The following JARID2 variants were observed in gnomAD, a reference collection of about 807,000 sequenced individuals.
The protein encoded by JARID2 is jumonji and AT-rich interaction domain containing 2.
A neutral mutation model predicts 125.6 loss-of-function variants in JARID2; 21 were observed. The observed-to-expected ratio is 0.17, with a 90% confidence interval of 0.12 to 0.24. The LOEUF (loss-of-function observed/expected upper bound fraction) is 0.24, where lower values mean the gene tolerates loss of function less well. Among genes scored for constraint, JARID2 ranks in the 10% least tolerant of loss-of-function variants. The pLI is 1.00. For synonymous variants in JARID2, 736 were observed against 661.6 expected (o/e 1.11, Z -1.73); for missense variants, 1,303 against 1,639.6 (o/e 0.79, Z 3.55).
At chr6:15,426,156 C>A (rs1402057770) in intron 3 of JARID2, among the ~76,000 whole-genome samples, 1 of 152,116 alleles carries the variant, frequency 6.6e-6, no homozygotes, top group South Asian at 2.1e-4. Context: ...TACTTGAGAC[C>A]TGCCACTCAG....
At chr6:15,311,357 T>C (rs759995304) in intron 1 of JARID2, among the ~76,000 whole-genome samples, 3 of 152,292 alleles carry the variant, frequency 2.0e-5, no homozygotes, top group Non-Finnish European at 2.9e-5. Context: ...GCGGGCTGAT[T>C]ACCTGTGGTT....
chr6:15,308,580 T>C (rs1394296093), intron 1 of JARID2, among the ~76,000 whole-genome samples: 1 of 152,232 alleles, frequency 6.6e-6, no homozygotes, highest in East Asian at 1.9e-4. Flanking sequence ...GTTGATCTAC[T>C]GAATACCTTC....
In JARID2 at chr6:15,497,022, C is replaced by T. The variant is rs1770478683; in HGVS notation, c.1797C>T (p.Cys599=). The change falls in exon 7 of 18, where the codon TGC becomes TGT. Residue 599 remains cysteine, a synonymous_variant. Coordinates refer to ENST00000341776, the MANE Select transcript of JARID2 (RefSeq NM_004973.4). ...VIPPPDWRPE[C]KLNDEMRFVT... ...CCCCTCCGGACTGGCGGCCCGAGTG[C>T]AAGCTCAACGATGAGATGCGGTTTG... 6.2e-7 allele frequency: 1 copy of T among 1,613,612 alleles called. No homozygotes were observed.
intron 1 of JARID2, among the ~76,000 whole-genome samples, chr6:15,270,155 G>C (rs1760241348): frequency 6.6e-6 from 1 of 152,078 alleles, no homozygotes; most frequent in Non-Finnish European, 1.5e-5. Context: ...CGTCTTTGAT[G>C]GACTTTCACT....
intron 1 of JARID2, among the ~76,000 whole-genome samples, chr6:15,340,821 C>CCA (rs1763043122): frequency 6.6e-6 from 1 of 152,098 alleles, no homozygotes; most frequent in African/African-American, 2.4e-5. Flanking sequence ...TTTTAGATAA[C>CCA]ACTCAGTTGG....
At chr6:15,463,462 C>T (rs967416377) in intron 4 of JARID2, among the ~76,000 whole-genome samples, 3 of 138,398 alleles carry the variant, frequency 2.2e-5, no homozygotes, top group Non-Finnish European at 3.0e-5. Context: ...TGGAGTTGCC[C>T]TCTTGTTGCC....
intron 2 of JARID2, among the ~76,000 whole-genome samples, chr6:15,384,244 G>A (rs1054743617): frequency 2.0e-5 from 3 of 152,078 alleles, no homozygotes; most frequent in Non-Finnish European, 4.4e-5. Context: ...GTGCCACCAC[G>A]CCCGGCTAAT....
rs1766232412 is a variant in JARID2, at chr6:15,416,642, A to G, written c.323+6277A>G. 2.7e-5 allele frequency among the ~76,000 whole-genome samples: 4 copies of G among 149,216 alleles called. No individual in the cohort carries two copies. In the South Asian group the frequency reaches 8.5e-4, roughly 32 times the overall value. On this transcript the variant is annotated intron_variant, in intron 3 of 17. Coordinates refer to ENST00000341776, the MANE Select transcript of JARID2 (RefSeq NM_004973.4). ...CAGTGAGCCGAGATGGCAGCAGTAC[A>G]GTCCAGCTTCGGCTTGGCATCAGTG...
At position 15,394,252 on chromosome 6, in the gene JARID2, C is replaced by G. The variant is rs563813215; in HGVS notation, c.182-15972C>G. On this transcript the variant is annotated intron_variant, in intron 2 of 17. Coordinates refer to ENST00000341776, the MANE Select transcript of JARID2 (RefSeq NM_004973.4). ...AAGAGCACCTCAGGCTTACGCAGCC[C>G]TGGATTGGCCTTGAGACACAGCTTA... 4.1e-4 allele frequency among the ~76,000 whole-genome samples: 63 copies of G among 152,192 alleles called. 1 individual carries two copies. The South Asian group carries it at 6.6e-3, about 16-fold the overall frequency.
intron 16 of JARID2, among the ~76,000 whole-genome samples, chr6:15,516,010 A>AC (rs1491460664): frequency 1.3e-5 from 2 of 149,334 alleles, no homozygotes; most frequent in South Asian, 2.1e-4. Context: ...AAAAAAAAAA[A>AC]CCCGTTATAA....
intron 7 of JARID2, 22 bp downstream of exon 7, chr6:15,497,192 G>C (rs780194283): frequency 8.2e-5 from 122 of 1,480,106 alleles, no homozygotes; most frequent in Middle Eastern, 5.2e-4. Context: ...CGGGGGGTCA[G>C]GGGGTGGTGC....
intron 3 of JARID2, among the ~76,000 whole-genome samples, chr6:15,449,849 CAA>C (rs749935838): frequency 8.6e-5 from 13 of 151,980 alleles, no homozygotes; most frequent in Admixed American, 5.9e-4. Flanking sequence ...ATAGGGGAGA[CAA>C]GAGTAGACAC....
intron 4 of JARID2, among the ~76,000 whole-genome samples, chr6:15,466,517 T>C (rs943084239): frequency 6.6e-6 from 1 of 152,254 alleles, no homozygotes; most frequent in East Asian, 1.9e-4. Flanking sequence ...CTCCTAATGG[T>C]ATGACTGACA....
chr6:15,406,279 C>T (rs992087449), intron 2 of JARID2, among the ~76,000 whole-genome samples: 4 of 152,114 alleles, frequency 2.6e-5, no homozygotes, highest in Admixed American at 1.3e-4. Flanking sequence ...ACTAAAATTA[C>T]AAAAATTAGC....
At chr6:15,254,816 G>A (rs528565970) in intron 1 of JARID2, among the ~76,000 whole-genome samples, 4 of 152,160 alleles carry the variant, frequency 2.6e-5, no homozygotes, top group Non-Finnish European at 1.5e-5. Context: ...GAGGTGAGCG[G>A]ATCACTTCAG....
Position 15,423,408 on chromosome 6 carries a change from T to C in JARID2, c.323+13043T>C, listed in dbSNP as rs184726321. 1.8e-3 allele frequency among the ~76,000 whole-genome samples: 278 copies of C among 152,246 alleles called. 1 individual carries two copies. The highest frequency in any genetic ancestry group is 2.9e-3 in the Non-Finnish European group (200 of 68,022). ...TGGGAAGAATTGTGCAACTACTAAA[T>C]TCAGAAGGATTAATATAGGAGGTAG... On this transcript the variant is annotated intron_variant, in intron 3 of 17. Coordinates refer to ENST00000341776, the MANE Select transcript of JARID2 (RefSeq NM_004973.4).
At chr6:15,275,147 T>TGGG (rs1561762181) in intron 1 of JARID2, among the ~76,000 whole-genome samples, 6 of 152,142 alleles carry the variant, frequency 3.9e-5, no homozygotes, top group Non-Finnish European at 7.4e-5. Flanking sequence ...CTGTTTGATC[T>TGGG]CTCCTTGCAA....
intron 2 of JARID2, among the ~76,000 whole-genome samples, chr6:15,407,860 G>T (rs573604293): frequency 1.5e-4 from 23 of 152,194 alleles, no homozygotes; most frequent in African/African-American, 5.5e-4. Context: ...CCAGTGCCCT[G>T]GCATATAGTA....
intron 4 of JARID2, among the ~76,000 whole-genome samples, chr6:15,461,363 G>C (rs1413926349): frequency 6.6e-6 from 1 of 152,126 alleles, no homozygotes; most frequent in African/African-American, 2.4e-5. Context: ...CCCTAATGTC[G>C]GGAATTTCCT....
Sources: allele counts gnomAD v4.1 joint callset (sites outside exome capture counted in the v4.1 genomes callset), GRCh38; gene constraint gnomAD v4.1.1; transcripts MANE v1.5; gene names NCBI Gene and HGNC (gene_info 2026-07-23, HGNC 2026-07-21).